AP2B1: variants seen among roughly 807,000 people sequenced by gnomAD.
The protein encoded by AP2B1 is AP-2 complex subunit beta.
In AP2B1, 23 loss-of-function variants were observed where a neutral mutation model predicts 102.0. The ratio of observed to expected loss-of-function variants is 0.23; its 90% CI spans 0.16 to 0.32. The LOEUF is 0.32. Among genes scored for constraint, AP2B1 ranks in the 10% least tolerant of loss-of-function variants. The pLI, the probability that AP2B1 is intolerant of heterozygous loss-of-function variation, is 1.00. For synonymous variants in AP2B1, 381 were observed against 421.2 expected, an observed-to-expected ratio of 0.90 and a Z score of 1.17; for missense variants, 541 against 1,157.4, an observed-to-expected ratio of 0.47 and a Z score of 7.73.
At chr17:35,702,804 T>C (rs2076262702) in intron 18 of AP2B1, among the ~76,000 whole-genome samples, 1 of 152,150 alleles carries the variant, frequency 6.6e-6, no homozygotes, top group East Asian at 1.9e-4. Flanking sequence ...GATTAAGAGT[T>C]TGGTTTTACC....
intron 12 of AP2B1, among the ~76,000 whole-genome samples, chr17:35,643,488 G>A (rs2074843153): frequency 6.6e-6 from 1 of 152,164 alleles, no homozygotes; most frequent in Admixed American, 6.5e-5. Context: ...TAGGAGAGCT[G>A]TATTACGAAT....
chr17:35,608,377 C>T lies in AP2B1; in HGVS notation c.515C>T (p.Ser172Leu). 6.2e-7 allele frequency: 1 copy of T among 1,614,144 alleles called. No individual in the cohort carries two copies. Among genetic ancestry groups the T allele is most frequent in the Non-Finnish European group, 8.5e-7 (1 of 1,180,046 alleles). The change falls in exon 5 of 22, where the codon TCA becomes TTA. Residue 172 changes from serine to leucine, a missense_variant. Ser to Leu is a moderately radical substitution (Grantham distance 145). This residue lies in a region of AP2B1 where 134 missense variants were observed against 250.2 expected (regional missense o/e 0.54). Coordinates refer to ENST00000610402, the MANE Select transcript of AP2B1 (RefSeq NM_001030006.2). ...LDSLRDLIAD[S>L]NPMVVANAVA... is the part of the protein sequence containing the mutation. ...TCTCTACGGGATCTCATAGCAGATT[C>T]AAATCCAATGGTAATAAGCTTCTGC...
At chr17:35,590,016 C>T (rs1264448745) in intron 1 of AP2B1, among the ~76,000 whole-genome samples, 1 of 150,006 alleles carries the variant, frequency 6.7e-6, no homozygotes, top group Non-Finnish European at 1.5e-5. Flanking sequence ...AGCTCTGCCT[C>T]CTGGGTTCAC....
At chr17:35,607,025 C>T (rs2073702046) in intron 4 of AP2B1, among the ~76,000 whole-genome samples, 1 of 151,992 alleles carries the variant, frequency 6.6e-6, no homozygotes, top group Non-Finnish European at 1.5e-5. Flanking sequence ...CCTGCCTCAT[C>T]CTCCCGAGTA....
At chr17:35,683,364 ACTT>A (rs1293767548) in intron 18 of AP2B1, among the ~76,000 whole-genome samples, 4 of 152,086 alleles carry the variant, frequency 2.6e-5, no homozygotes, top group Non-Finnish European at 5.9e-5. Flanking sequence ...TTTTTTCTTA[ACTT>A]CTTATTTGTA....
At chr17:35,633,158 C>T (rs531656059) in intron 9 of AP2B1, among the ~76,000 whole-genome samples, 10 of 151,812 alleles carry the variant, frequency 6.6e-5, no homozygotes, top group African/African-American at 2.2e-4. Flanking sequence ...GTCAGGAGAT[C>T]GAGACATCCT....
intron 13 of AP2B1, among the ~76,000 whole-genome samples, chr17:35,651,405 T>A (rs181018492): frequency 3.9e-5 from 6 of 152,264 alleles, no homozygotes; most frequent in Admixed American, 2.6e-4. Context: ...AGCTCTTGCT[T>A]TGTAGCTATC....
At chr17:35,632,259 A>G (rs905331750) in intron 9 of AP2B1, among the ~76,000 whole-genome samples, 4 of 151,878 alleles carry the variant, frequency 2.6e-5, no homozygotes, top group African/African-American at 9.7e-5. Flanking sequence ...CTCAGCCTCC[A>G]GAGTAGCTGG....
chr17:35,710,818 C>T (rs1054266093), intron 20 of AP2B1, among the ~76,000 whole-genome samples: 15 of 152,268 alleles, frequency 9.9e-5, no homozygotes, highest in Non-Finnish European at 1.9e-4. Flanking sequence ...TACCAGTAAT[C>T]CCAGCACTTT....
chr17:35,632,236 G>C (rs2074483266), intron 9 of AP2B1, among the ~76,000 whole-genome samples: 1 of 152,082 alleles, frequency 6.6e-6, no homozygotes, highest in Non-Finnish European at 1.5e-5. Context: ...CTGGGTTCAA[G>C]TGATTCTCCT....
rs371318810 is a variant in AP2B1 at position 35,598,357 on chromosome 17, A to G, written c.143+22A>G. The G allele has an allele frequency of 4.6e-6, 7 of 1,528,566 alleles. No homozygotes were observed. In the African/African-American group the frequency reaches 9.6e-5, roughly 21 times the overall value. The allele number at this position is 1,528,566 out of a possible 1,614,324, so 94.7% of individuals were successfully genotyped here. On this transcript the variant is annotated intron_variant, in intron 3 of 21. Coordinates refer to ENST00000610402, the MANE Select transcript of AP2B1 (RefSeq NM_001030006.2). ...TTAGGTAAGAGTAATCACCCTTGCC[A>G]TTGATCACTTCAGAGGTCCATACCC...
At chr17:35,683,887 G>A (rs1407671540) in intron 18 of AP2B1, among the ~76,000 whole-genome samples, 6 of 152,216 alleles carry the variant, frequency 3.9e-5, no homozygotes, top group East Asian at 1.9e-4. Context: ...AAATGTTTTC[G>A]CCATCTCCCA....
intron 1 of AP2B1, among the ~76,000 whole-genome samples, chr17:35,591,855 A>T (rs1471231560): frequency 6.6e-6 from 1 of 152,214 alleles, no homozygotes; most frequent in South Asian, 2.1e-4. Flanking sequence ...GGCAAGCTTC[A>T]GTATAATTTT....
intron 2 of AP2B1, among the ~76,000 whole-genome samples, chr17:35,595,436 A>G (rs574988540): frequency 6.6e-6 from 1 of 152,128 alleles, no homozygotes; most frequent in East Asian, 1.9e-4. Flanking sequence ...AGTCCCAGCT[A>G]TTTGGGAGGC....
chr17:35,623,416 T>G (rs577058078), intron 5 of AP2B1, among the ~76,000 whole-genome samples: 1 of 152,138 alleles, frequency 6.6e-6, no homozygotes, highest in East Asian at 1.9e-4. Context: ...ATACAAAAAT[T>G]AGCTGGGCAT....
intron 9 of AP2B1, among the ~76,000 whole-genome samples, chr17:35,633,697 T>TC (rs978363364): frequency 5.9e-5 from 9 of 152,200 alleles, no homozygotes; most frequent in Admixed American, 1.3e-4. Context: ...GTCCAGTGTG[T>TC]ATATCTAAGA....
chr17:35,649,958 A>ATT (rs2075045461), intron 12 of AP2B1, among the ~76,000 whole-genome samples: 1 of 151,094 alleles, frequency 6.6e-6, no homozygotes, highest in African/African-American at 2.4e-5. Flanking sequence ...TATTATTATT[A>ATT]TTATTTTTTG....
Position 35,674,334 on chromosome 17 carries a change from G to T in AP2B1, c.2324+13G>T, listed in dbSNP as rs775171583. On this transcript the variant is annotated intron_variant, in intron 17 of 21. Coordinates refer to ENST00000610402, the MANE Select transcript of AP2B1 (RefSeq NM_001030006.2). ...TTAACAAAAATAGGTAAGCAATCTG[G>T]GTCCCTAGCTTGATGTTGAGACAAC... The T allele has an allele frequency of 1.2e-6, 2 of 1,613,520 alleles. No individual in the cohort carries two copies. The highest frequency in any genetic ancestry group is 1.7e-6 in the Non-Finnish European group (2 of 1,179,650).
At chr17:35,632,196 G>A (rs1267475444) in intron 9 of AP2B1, among the ~76,000 whole-genome samples, 4 of 151,680 alleles carry the variant, frequency 2.6e-5, no homozygotes, top group Admixed American at 1.3e-4. Context: ...TGCAAATGGC[G>A]CAATCTCAGC....
Sources: gnomAD v4.1 joint callset for allele counts (sites outside exome capture counted in the v4.1 genomes callset) on GRCh38, gnomAD v4.1.1 for gene constraint, gnomAD v4.1.1 regional missense constraint, MANE v1.5 for transcripts, NCBI Gene and HGNC (gene_info 2026-07-23, HGNC 2026-07-21) for gene names.